The following ARHGEF3 variants were observed in gnomAD, a reference collection of about 807,000 sequenced individuals.
ARHGEF3 encodes the protein Rho guanine nucleotide exchange factor 3.
Under a neutral mutation model 63.2 loss-of-function variants are expected in ARHGEF3, and 28 were observed. The observed-to-expected ratio is 0.44, with a 90% CI of 0.33 to 0.61. The LOEUF is 0.61. ARHGEF3 is among the 20% of genes least tolerant of loss of function. ARHGEF3 has a pLI of 0.03. For missense variants in ARHGEF3, 533 were observed against 659.3 expected (o/e 0.81, Z 2.10); for synonymous variants, 266 against 254.2 (o/e 1.05, Z -0.44).
At chr3:56,886,783 T>C (rs1377671725) in intron 3 of ARHGEF3, among the ~76,000 whole-genome samples, 1 of 152,160 alleles carries the variant, frequency 6.6e-6, no homozygotes, top group Non-Finnish European at 1.5e-5. Context: ...ATGGTTATCA[T>C]CTCCATTCTA....
At chr3:56,765,695 C>T (rs1407332389) in intron 2 of ARHGEF3, among the ~76,000 whole-genome samples, 3 of 152,140 alleles carry the variant, frequency 2.0e-5, no homozygotes, top group Admixed American at 1.3e-4. Context: ...CCAGGCCCAA[C>T]CCAAATCCCT....
intron 6 of ARHGEF3, among the ~76,000 whole-genome samples, chr3:56,747,575 C>T (rs889911457): frequency 5.3e-5 from 8 of 152,172 alleles, no homozygotes; most frequent in Non-Finnish European, 1.0e-4. Flanking sequence ...CGGTGGTTCA[C>T]GCCTGTAATC....
chr3:56,918,986 G>A (rs1218008689), intron 3 of ARHGEF3, among the ~76,000 whole-genome samples: 1 of 152,050 alleles, frequency 6.6e-6, no homozygotes, highest in African/African-American at 2.4e-5. Context: ...TGGATGCACT[G>A]GTGTTAAAAA....
At chr3:56,880,654 T>C (rs1166310468) in intron 4 of ARHGEF3, among the ~76,000 whole-genome samples, 1 of 152,196 alleles carries the variant, frequency 6.6e-6, no homozygotes, top group African/African-American at 2.4e-5. Context: ...AATACATACA[T>C]GGTGGCTAAG....
intron 2 of ARHGEF3, among the ~76,000 whole-genome samples, chr3:56,772,087 T>G (rs973909382): frequency 3.3e-5 from 5 of 152,198 alleles, no homozygotes; most frequent in African/African-American, 1.2e-4. Flanking sequence ...TGACCTTATT[T>G]TCTCTTTCCT....
intron 1 of ARHGEF3, chr3:57,074,006 A>G (rs1706081480): frequency 1.9e-6 from 3 of 1,613,982 alleles, no homozygotes; most frequent in Non-Finnish European, 2.5e-6. Flanking sequence ...TTCTGGGAAG[A>G]CCCTCTTCAC....
chr3:56,965,645 C>CTTTTTTT (rs759458048), intron 2 of ARHGEF3, among the ~76,000 whole-genome samples: 2 of 133,370 alleles, frequency 1.5e-5, no homozygotes, highest in Non-Finnish European at 1.6e-5. Context: ...AAACTACATT[C>CTTTTTTT]TTTTTTTTTT....
chr3:57,062,462 G>A (rs1355265482), intron 1 of ARHGEF3, among the ~76,000 whole-genome samples: 1 of 152,200 alleles, frequency 6.6e-6, no homozygotes, highest in Non-Finnish European at 1.5e-5. Context: ...GGCGGGGGCG[G>A]GGGGTGCTCA....
At chr3:56,985,097 G>T (rs1234800876) in intron 2 of ARHGEF3, among the ~76,000 whole-genome samples, 1 of 146,418 alleles carries the variant, frequency 6.8e-6, no homozygotes, top group Non-Finnish European at 1.5e-5. Flanking sequence ...GATTTGATTT[G>T]ATTTTTTTGA....
chr3:56,820,925 G>A (rs1476084360), intron 4 of ARHGEF3, among the ~76,000 whole-genome samples: 1 of 151,668 alleles, frequency 6.6e-6, no homozygotes, highest in Non-Finnish European at 1.5e-5. Flanking sequence ...GGCCAAGGTG[G>A]GTGAATCACT....
intron 1 of ARHGEF3, among the ~76,000 whole-genome samples, chr3:56,798,576 A>C (rs1284354780): frequency 1.4e-4 from 21 of 149,786 alleles, no homozygotes; most frequent in Admixed American, 1.4e-3. Context: ...CTTTTTAAAA[A>C]GCAAACCTCA....
intron 3 of ARHGEF3, among the ~76,000 whole-genome samples, chr3:56,932,117 T>C (rs1005550116): frequency 2.6e-5 from 4 of 152,240 alleles, no homozygotes; most frequent in African/African-American, 9.6e-5. Context: ...ATTGCATTTC[T>C]GACTTAGATT....
At chr3:56,824,349 C>A (rs547148221) in intron 4 of ARHGEF3, among the ~76,000 whole-genome samples, 18 of 152,160 alleles carry the variant, frequency 1.2e-4, no homozygotes, top group Non-Finnish European at 1.3e-4. Flanking sequence ...TAATAGTAAT[C>A]ATAAATGGTT....
chr3:57,028,821 C>T (rs1381690943), intron 2 of ARHGEF3, among the ~76,000 whole-genome samples: 1 of 151,954 alleles, frequency 6.6e-6, no homozygotes, highest in Non-Finnish European at 1.5e-5. Context: ...AAAAGCCCCT[C>T]AGGAGGTGCC....
chr3:56,772,569 A>C (rs1307212427), intron 2 of ARHGEF3, among the ~76,000 whole-genome samples: 5 of 152,232 alleles, frequency 3.3e-5, no homozygotes, highest in Non-Finnish European at 5.9e-5. Flanking sequence ...TGTGGGCTTC[A>C]ATCTAAAAGA....
intron 1 of ARHGEF3, among the ~76,000 whole-genome samples, chr3:56,797,334 A>C (rs1009987079): frequency 6.6e-6 from 1 of 152,176 alleles, no homozygotes; most frequent in Non-Finnish European, 1.5e-5. Context: ...AAGGACCAAG[A>C]TTCCCAAAAT....
intron 1 of ARHGEF3, among the ~76,000 whole-genome samples, chr3:57,046,054 A>T (rs1178751918): frequency 6.6e-6 from 1 of 152,226 alleles, no homozygotes; most frequent in African/African-American, 2.4e-5. Flanking sequence ...CTCTCTTAGA[A>T]GCCCAATTCT....
At chr3:57,006,291 T>G (rs1702463985) in intron 2 of ARHGEF3, among the ~76,000 whole-genome samples, 1 of 152,202 alleles carries the variant, frequency 6.6e-6, no homozygotes, top group Non-Finnish European at 1.5e-5. Flanking sequence ...AGCTCCCAGC[T>G]GTCGATGCCA....
intron 3 of ARHGEF3, among the ~76,000 whole-genome samples, chr3:56,943,148 C>G (rs1052942768): frequency 1.3e-5 from 2 of 149,658 alleles, no homozygotes; most frequent in Non-Finnish European, 1.5e-5. Context: ...ATGAAAAAGC[C>G]TTATCTTGGA....
Sources: allele counts gnomAD v4.1 joint callset (sites outside exome capture counted in the v4.1 genomes callset), GRCh38; gene constraint gnomAD v4.1.1; transcripts MANE v1.5; gene names NCBI Gene and HGNC (gene_info 2026-07-23, HGNC 2026-07-21).